The following RGS6 variants were observed in gnomAD, a reference collection of about 807,000 sequenced individuals.
RGS6 encodes regulator of G-protein signaling 6.
In RGS6, 30 loss-of-function variants were observed where a neutral mutation model predicts 78.5. The observed-to-expected ratio is 0.38, with a 90% CI of 0.29 to 0.52. The LOEUF is 0.52. Ranked by LOEUF, RGS6 falls within the 20% of genes least tolerant of loss-of-function variation. The pLI, the probability that RGS6 is intolerant of heterozygous loss-of-function variation, is 0.85. For synonymous variants in RGS6, 206 were observed against 206.0 expected (o/e 1.00, Z 0.00); for missense variants, 495 against 609.7 (o/e 0.81, Z 1.98).
At chr14:71,933,982 GT>G (rs1313397411) in intron 1 of RGS6, among the ~76,000 whole-genome samples, 1 of 152,168 alleles carries the variant, frequency 6.6e-6, no homozygotes, top group East Asian at 1.9e-4. Context: ...TTAGTTAAAT[GT>G]GTTGACAACA....
intron 3 of RGS6, among the ~76,000 whole-genome samples, chr14:72,391,866 G>C (rs1175663618): frequency 6.6e-6 from 1 of 152,154 alleles, no homozygotes; most frequent in East Asian, 1.9e-4. Flanking sequence ...TTCTGTCCTT[G>C]TGATAGTTTG....
chr14:71,917,670 T>C, the RGS6 span, among the ~76,000 whole-genome samples: 2 of 152,026 alleles, frequency 1.3e-5, no homozygotes, highest in Non-Finnish European at 2.9e-5. Context: ...AGTCAAACAA[T>C]AGCAAAAACT....
At chr14:72,461,027 C>A (rs1381434060) in intron 6 of RGS6, among the ~76,000 whole-genome samples, 1 of 152,048 alleles carries the variant, frequency 6.6e-6, no homozygotes, top group South Asian at 2.1e-4. Context: ...TCCACAGGCA[C>A]CACTGTGGGC....
chr14:72,303,015 A>G (rs1313626604), intron 2 of RGS6, among the ~76,000 whole-genome samples: 1 of 152,204 alleles, frequency 6.6e-6, no homozygotes, highest in African/African-American at 2.4e-5. Context: ...GCCTTCTGCC[A>G]TGATTGTGAG....
chr14:71,905,690 A>G, the RGS6 span, among the ~76,000 whole-genome samples: 1 of 152,140 alleles, frequency 6.6e-6, no homozygotes, highest in African/African-American at 2.4e-5. Flanking sequence ...GGGTTTCACC[A>G]TGTTGCCCAG....
At chr14:72,353,311 G>A (rs1472371174) in intron 3 of RGS6, among the ~76,000 whole-genome samples, 1 of 152,184 alleles carries the variant, frequency 6.6e-6, no homozygotes. Context: ...CATCTCCAAA[G>A]ACTGGAAACA....
At chr14:72,194,846 G>A (rs1054403532) in intron 2 of RGS6, among the ~76,000 whole-genome samples, 3 of 152,150 alleles carry the variant, frequency 2.0e-5, no homozygotes, top group Admixed American at 6.5e-5. Flanking sequence ...TTAAAAGGTC[G>A]CCAGGTTTTG....
intron 1 of RGS6, among the ~76,000 whole-genome samples, chr14:71,941,262 T>C (rs186199083): frequency 5.3e-4 from 81 of 152,332 alleles, no homozygotes; most frequent in African/African-American, 1.8e-3. Context: ...GCATTTATTT[T>C]GCATAACTCT....
At chr14:72,417,304 C>T (rs1346848404) in intron 3 of RGS6, among the ~76,000 whole-genome samples, 1 of 152,226 alleles carries the variant, frequency 6.6e-6, no homozygotes, top group Non-Finnish European at 1.5e-5. Flanking sequence ...TGCCCCCCCA[C>T]CAAGTCAGCC....
chr14:71,946,380 C>T (rs763819594), intron 1 of RGS6, among the ~76,000 whole-genome samples: 4 of 152,124 alleles, frequency 2.6e-5, no homozygotes, highest in East Asian at 3.8e-4. Flanking sequence ...CGGGATGTTC[C>T]GTACCCCAGG....
At chr14:71,893,758 T>G in the RGS6 span, among the ~76,000 whole-genome samples, 185 of 152,154 alleles carry the variant, frequency 1.2e-3, 1 homozygote, top group African/African-American at 4.3e-3. Context: ...TGGGGTGGTG[T>G]TTTAGCTTTA....
chr14:72,097,446 T>C (rs184824179), intron 2 of RGS6, among the ~76,000 whole-genome samples: 127 of 152,266 alleles, frequency 8.3e-4, no homozygotes, highest in African/African-American at 3.0e-3. Context: ...CTTTGGTGGG[T>C]TTTTATGTTT....
At chr14:72,138,353 G>T (rs932476101) in intron 2 of RGS6, among the ~76,000 whole-genome samples, 5 of 151,918 alleles carry the variant, frequency 3.3e-5, no homozygotes, top group African/African-American at 1.2e-4. Context: ...GCATTGAGGG[G>T]GAGGGTTAAT....
intron 2 of RGS6, among the ~76,000 whole-genome samples, chr14:72,103,239 C>G (rs923169027): frequency 6.6e-5 from 10 of 151,430 alleles, no homozygotes; most frequent in Admixed American, 6.6e-4. Context: ...CTTGTACTAC[C>G]TTTTAAAATA....
intron 3 of RGS6, among the ~76,000 whole-genome samples, chr14:72,387,767 G>A (rs2088688302): frequency 6.6e-6 from 1 of 152,162 alleles, no homozygotes; most frequent in Non-Finnish European, 1.5e-5. Flanking sequence ...GCCGTAACAA[G>A]GTCCCACAGA....
chr14:72,251,235 G>A (rs2153837239), intron 2 of RGS6, among the ~76,000 whole-genome samples: 1 of 152,326 alleles, frequency 6.6e-6, no homozygotes, highest in Non-Finnish European at 1.5e-5. Context: ...GTAATTTCCT[G>A]AAGCGGTCCT....
chr14:72,149,604 C>T (rs1346804946), intron 2 of RGS6, among the ~76,000 whole-genome samples: 1 of 151,994 alleles, frequency 6.6e-6, no homozygotes, highest in African/African-American at 2.4e-5. Context: ...TTTCCTGAAA[C>T]CCATTATTTT....
chr14:72,367,654 T>A (rs1481295826), intron 3 of RGS6, among the ~76,000 whole-genome samples: 1 of 152,254 alleles, frequency 6.6e-6, no homozygotes, highest in Non-Finnish European at 1.5e-5. Flanking sequence ...CACATTTTTT[T>A]ATGAATACAT....
At chr14:72,198,466 C>T (rs569082132) in intron 2 of RGS6, among the ~76,000 whole-genome samples, 14 of 152,310 alleles carry the variant, frequency 9.2e-5, no homozygotes, top group African/African-American at 3.1e-4. Context: ...CCCTGGGGTC[C>T]ATTTTAGTTG....
Sources: allele counts gnomAD v4.1 joint callset (sites outside exome capture counted in the v4.1 genomes callset), GRCh38; gene constraint gnomAD v4.1.1; transcripts MANE v1.5; gene names NCBI Gene and HGNC (gene_info 2026-07-23, HGNC 2026-07-21).